The following SOX5 variants were observed in gnomAD, a reference collection of about 807,000 sequenced individuals.
The protein encoded by SOX5 is transcription factor SOX-5.
Under a neutral mutation model 92.0 loss-of-function variants are expected in SOX5, and 9 were observed. The ratio of observed to expected loss-of-function variants is 0.10; its 90% CI spans 0.06 to 0.17. SOX5 has a LOEUF of 0.17. Among genes scored for constraint, SOX5 ranks in the 10% least tolerant of loss-of-function variants. The pLI, the probability that SOX5 is intolerant of heterozygous loss-of-function variation, is 1.00. For synonymous variants in SOX5, 344 were observed against 336.3 expected, an observed-to-expected ratio of 1.02 and a Z score of -0.25; for missense variants, 642 against 944.5, an observed-to-expected ratio of 0.68 and a Z score of 4.20.
chr12:23,845,550 C>T lies in SOX5; in HGVS notation c.481+433G>A, dbSNP rs560448091. On this transcript the variant is annotated intron_variant, in intron 3 of 14. Transcript: ENST00000451604. ...ATTTGTAAGTATATAATAGTCCTAA[C>T]CATATTAATTTTTGACTATACAAGA... is the stretch of plus-strand genomic sequence containing the variant. 1.7e-3 allele frequency among the ~76,000 whole-genome samples: 262 copies of T among 152,070 alleles called. 3 individuals carry two copies. Among genetic ancestry groups the T allele is most frequent in the Non-Finnish European group, 2.5e-3 (169 of 67,958 alleles).
chr12:24,456,942 C>T (rs570582666), intron 1 of SOX5, among the ~76,000 whole-genome samples: 34 of 152,306 alleles, frequency 2.2e-4, no homozygotes, highest in Middle Eastern at 6.8e-3. Context: ...CACATTCTTA[C>T]GGCTGTGTAG....
intron 1 of SOX5, among the ~76,000 whole-genome samples, chr12:23,946,643 G>A (rs1400705912): frequency 1.3e-5 from 2 of 151,706 alleles, no homozygotes; most frequent in East Asian, 1.9e-4. Flanking sequence ...TAAAAATGTG[G>A]GGAGACTTCG....
At chr12:24,119,064 T>C (rs894197757) in intron 4 of SOX5, among the ~76,000 whole-genome samples, 1 of 152,082 alleles carries the variant, frequency 6.6e-6, no homozygotes, top group African/African-American at 2.4e-5. Context: ...TTTGGTCACA[T>C]ACAATTATAA....
At chr12:24,247,533 GC>G (rs1565744644) in intron 3 of SOX5, among the ~76,000 whole-genome samples, 1 of 152,118 alleles carries the variant, frequency 6.6e-6, no homozygotes, top group Admixed American at 6.5e-5. Flanking sequence ...AAAGAACAGA[GC>G]CTGGTGTGGT....
At chr12:24,202,672 C>T (rs995666915) in intron 4 of SOX5, among the ~76,000 whole-genome samples, 2 of 152,102 alleles carry the variant, frequency 1.3e-5, no homozygotes, top group African/African-American at 4.8e-5. Flanking sequence ...AGGGTCCTGC[C>T]AGGTTATTTT....
intron 2 of SOX5, among the ~76,000 whole-genome samples, chr12:24,348,503 C>T (rs1349966230): frequency 6.6e-6 from 1 of 152,088 alleles, no homozygotes; most frequent in East Asian, 1.9e-4. Flanking sequence ...CTGCCTCAGC[C>T]TCCCGAATAG....
intron 9 of SOX5, among the ~76,000 whole-genome samples, chr12:23,592,140 T>G (rs1951656386): frequency 6.6e-6 from 1 of 152,176 alleles, no homozygotes; most frequent in African/African-American, 2.4e-5. Context: ...TAAGAAAATA[T>G]AATTTGCGGT....
chr12:23,671,332 C>T (rs2084747445), intron 6 of SOX5, among the ~76,000 whole-genome samples: 1 of 152,158 alleles, frequency 6.6e-6, no homozygotes, highest in African/African-American at 2.4e-5. Flanking sequence ...ATGAGTGCTA[C>T]AGTGTTCAAA....
Position 23,842,227 on chromosome 12 carries a change from T to C in SOX5, c.481+3756A>G, listed in dbSNP as rs917853404. On this transcript the variant is annotated intron_variant, in intron 3 of 14. Transcript: ENST00000451604. Reference sequence around the variant, plus strand: ...TTAATTATTCTGATACTCTTCTACATGTATACTAGAACTGAACAATTATAT... The same window carrying C: ...TTAATTATTCTGATACTCTTCTACACGTATACTAGAACTGAACAATTATAT... Among the ~76,000 whole-genome samples the C allele has an allele frequency of 2.0e-5, 3 of 152,148 alleles. No individual in the cohort carries two copies. The East Asian group carries it at 5.8e-4, about 29-fold the overall frequency.
chr12:24,307,483 A>T (rs1948705374), intron 2 of SOX5, among the ~76,000 whole-genome samples: 1 of 28,778 alleles, frequency 3.5e-5, no homozygotes, highest in Non-Finnish European at 1.2e-4. Flanking sequence ...GGAAGGAAGG[A>T]AGGAAGGAAG....
intron 1 of SOX5, among the ~76,000 whole-genome samples, chr12:24,555,564 C>G (rs1269185593): frequency 6.6e-6 from 1 of 152,016 alleles, no homozygotes; most frequent in Non-Finnish European, 1.5e-5. Flanking sequence ...ATACATCGGG[C>G]ATTTCCTCCA....
At chr12:24,160,625 G>A (rs1458621407) in intron 4 of SOX5, among the ~76,000 whole-genome samples, 1 of 151,960 alleles carries the variant, frequency 6.6e-6, no homozygotes, top group African/African-American at 2.4e-5. Flanking sequence ...AAGGCCTGAA[G>A]TAAAATCATG....
At chr12:24,170,694 C>T (rs1468687281) in intron 4 of SOX5, among the ~76,000 whole-genome samples, 1 of 152,188 alleles carries the variant, frequency 6.6e-6, no homozygotes, top group Non-Finnish European at 1.5e-5. Flanking sequence ...GATAAATTAT[C>T]AAGCGCATTA....
intron 2 of SOX5, among the ~76,000 whole-genome samples, chr12:24,292,644 T>C (rs1421170972): frequency 6.6e-6 from 1 of 152,226 alleles, no homozygotes; most frequent in Non-Finnish European, 1.5e-5. Context: ...GAAGATAATC[T>C]ACAGTCTGAC....
At chr12:24,454,293 C>T (rs1942735882) in intron 1 of SOX5, among the ~76,000 whole-genome samples, 1 of 152,210 alleles carries the variant, frequency 6.6e-6, no homozygotes, top group African/African-American at 2.4e-5. Flanking sequence ...CACAATCCCA[C>T]TTAAGCAAGC....
intron 3 of SOX5, among the ~76,000 whole-genome samples, chr12:24,263,547 A>AAAC (rs1555203070): frequency 1.4e-4 from 21 of 145,020 alleles, no homozygotes; most frequent in Non-Finnish European, 2.1e-4. Flanking sequence ...AAAACAAAAA[A>AAAC]AAAAACAAAA....
At chr12:23,593,378 G>C (rs1282786197) in intron 9 of SOX5, among the ~76,000 whole-genome samples, 4 of 152,136 alleles carry the variant, frequency 2.6e-5, no homozygotes, top group African/African-American at 7.2e-5. Context: ...CTTCAGCTGA[G>C]TGTTAGCAGT....
rs375537179 is a variant in SOX5, at chr12:24,248,987, AG to A, written c.-77+28228del. ...ACCATTAGTCAAGTCACTGATTAAA[AG>A]CACGTCCTTTAGTAGAAAAAGTGCT... On this transcript the variant is annotated intron_variant, in intron 3 of 4. Transcript: ENST00000446891. 8.1e-4 allele frequency among the ~76,000 whole-genome samples: 124 copies of A among 152,350 alleles called. 3 individuals carry two copies. In the South Asian group the frequency reaches 0.024, roughly 30 times the overall value.
At chr12:23,810,906 C>CT (rs961929904) in intron 3 of SOX5, among the ~76,000 whole-genome samples, 2 of 152,046 alleles carry the variant, frequency 1.3e-5, no homozygotes, top group East Asian at 1.9e-4. Context: ...AGAAGAGCTG[C>CT]TTTTTTTTCC....
Sources: allele counts gnomAD v4.1 joint callset (sites outside exome capture counted in the v4.1 genomes callset), GRCh38; gene constraint gnomAD v4.1.1; transcripts MANE v1.5; gene names NCBI Gene and HGNC (gene_info 2026-07-23, HGNC 2026-07-21).